The following CNTN1 variants were observed in gnomAD, a reference collection of about 807,000 sequenced individuals.
The protein encoded by CNTN1 is contactin 1.
Under a neutral mutation model 126.4 loss-of-function variants are expected in CNTN1, and 38 were observed. The ratio of observed to expected loss-of-function variants is 0.30; its 90% confidence interval spans 0.23 to 0.39. The LOEUF is 0.39. Ranked by LOEUF, CNTN1 falls within the 10% of genes least tolerant of loss-of-function variation. The pLI, the probability that CNTN1 is intolerant of heterozygous loss-of-function variation, is 1.00. For missense variants in CNTN1, 1,009 were observed against 1,248.4 expected (o/e 0.81, Z 2.89); for synonymous variants, 413 against 422.6 (o/e 0.98, Z 0.28).
chr12:40,703,119 A>C (rs1941643531), intron 1 of CNTN1, among the ~76,000 whole-genome samples: 1 of 152,140 alleles, frequency 6.6e-6, no homozygotes, highest in Admixed American at 6.5e-5. Context: ...ATGAATAAGA[A>C]TGTCTGCTTT....
intron 16 of CNTN1, among the ~76,000 whole-genome samples, chr12:40,983,951 A>AAT (rs1317188580): frequency 6.8e-6 from 1 of 146,952 alleles, no homozygotes; most frequent in Non-Finnish European, 1.5e-5. Context: ...CATATATAGT[A>AAT]ATATATATAT....
intron 1 of CNTN1, among the ~76,000 whole-genome samples, chr12:40,770,255 G>A (rs1225425576): frequency 6.6e-6 from 1 of 152,096 alleles, no homozygotes; most frequent in Non-Finnish European, 1.5e-5. Context: ...TTATTCTGGA[G>A]AGGCATTCAC....
At position 41,071,199 on chromosome 12, in the gene CNTN1, A is replaced by C. The variant is rs1233230494; in HGVS notation, c.*1164A>C. 6.6e-6 allele frequency: 1 copy of C among 152,180 alleles called. No individual in the cohort carries two copies. Among genetic ancestry groups the C allele is most frequent in the Non-Finnish European group, 1.5e-5 (1 of 68,016 alleles). 9.4% of individuals were successfully genotyped at this position (152,180 alleles called of 1,614,324 possible). ...GCTAATGGTACTTTGAAGAGTATGCAAAACTGGAAGGCCAGGAGGAGGCAA... is the reference window on the plus strand; with the variant it reads ...GCTAATGGTACTTTGAAGAGTATGCCAAACTGGAAGGCCAGGAGGAGGCAA... On this transcript the variant is annotated 3_prime_UTR_variant, in exon 24 of 24. Coordinates refer to ENST00000551295, the MANE Select transcript of CNTN1 (RefSeq NM_001843.4).
intron 3 of CNTN1, among the ~76,000 whole-genome samples, chr12:40,918,273 TGGCTA>T: frequency 6.6e-6 from 1 of 152,226 alleles, no homozygotes; most frequent in South Asian, 2.1e-4. Context: ...GAACTAACTA[TGGCTA>T]GGTCACCAAA....
intron 15 of CNTN1, among the ~76,000 whole-genome samples, chr12:40,976,649 T>C (rs971732839): frequency 5.9e-5 from 9 of 152,290 alleles, no homozygotes; most frequent in African/African-American, 2.2e-4. Flanking sequence ...ATGCCTTCCT[T>C]TGTGCTGAGA....
At chr12:40,895,788 G>C (rs1372232702) in intron 1 of CNTN1, among the ~76,000 whole-genome samples, 14 of 144,488 alleles carry the variant, frequency 9.7e-5, no homozygotes, top group East Asian at 2.0e-4. Flanking sequence ...GACGGAGTCT[G>C]GCTCTGTCGC....
intron 3 of CNTN1, among the ~76,000 whole-genome samples, chr12:40,910,752 AT>A (rs1376440925): frequency 6.6e-6 from 1 of 152,190 alleles, no homozygotes; most frequent in East Asian, 1.9e-4. Flanking sequence ...AAATCACAGA[AT>A]TGTTGTGAGG....
intron 20 of CNTN1, among the ~76,000 whole-genome samples, chr12:41,020,903 C>A (rs746018754): frequency 6.6e-6 from 1 of 152,122 alleles, no homozygotes; most frequent in Admixed American, 6.5e-5. Flanking sequence ...TATGAAGTAA[C>A]AATCAAAATG....
chr12:40,766,281 C>A (rs145054776), intron 1 of CNTN1, among the ~76,000 whole-genome samples: 340 of 150,312 alleles, frequency 2.3e-3, no homozygotes, highest in African/African-American at 7.7e-3. Context: ...CACTTGAACC[C>A]GGGAAGTGGT....
At chr12:40,823,671 C>T (rs1941519573) in intron 1 of CNTN1, among the ~76,000 whole-genome samples, 1 of 152,062 alleles carries the variant, frequency 6.6e-6, no homozygotes, top group South Asian at 2.1e-4. Context: ...GCTTTATTTT[C>T]CATCTTCTTT....
intron 1 of CNTN1, among the ~76,000 whole-genome samples, chr12:40,815,587 A>G (rs71449779): frequency 1.3e-5 from 2 of 152,140 alleles, no homozygotes; most frequent in Non-Finnish European, 2.9e-5. Flanking sequence ...AAATCATGTC[A>G]TCTACAAACA....
chr12:40,929,844 C>A lies in CNTN1; in HGVS notation c.545C>A (p.Thr182Lys). The A allele has an allele frequency of 6.2e-7, 1 of 1,612,538 alleles. No homozygotes were observed. Among genetic ancestry groups the A allele is most frequent in the Non-Finnish European group, 8.5e-7 (1 of 1,178,958 alleles). The change falls in exon 7 of 24, where the codon ACA becomes AAA. Residue 182 changes from threonine (T) to lysine (K), a missense_variant. Transcript: ENST00000551295. ...WLLNEFPVFI[T>K]MDKRRFVSQT... ...CTAAATGAATTTCCTGTATTTATCA[C>A]AATGGATAAACGGCGATTTGTGTCT...
chr12:40,832,812 T>A (rs1463550134), intron 1 of CNTN1, among the ~76,000 whole-genome samples: 2 of 152,062 alleles, frequency 1.3e-5, no homozygotes, highest in Admixed American at 1.3e-4. Flanking sequence ...ACCTTCCTTA[T>A]CTGGGCTCTC....
intron 2 of CNTN1, 69 bp from the exon 3 acceptor site, chr12:40,910,004 A>C: frequency 8.6e-7 from 1 of 1,159,864 alleles, no homozygotes. Context: ...TCAGCTATTT[A>C]AGTAATGTTT....
At chr12:40,958,355 G>GTGTGTGTGTGTATATA (rs1401407716) in intron 14 of CNTN1, among the ~76,000 whole-genome samples, 1 of 79,094 alleles carries the variant, frequency 1.3e-5, no homozygotes, top group Non-Finnish European at 3.3e-5. Context: ...GTATATATGT[G>GTGTGTGTGTGTATATA]TGTGTGTGTG....
intron 1 of CNTN1, among the ~76,000 whole-genome samples, chr12:40,846,337 G>A (rs1942500077): frequency 6.6e-6 from 1 of 152,112 alleles, no homozygotes; most frequent in African/African-American, 2.4e-5. Flanking sequence ...GCATGGTGGC[G>A]GGCGCCTGCA....
intron 3 of CNTN1, among the ~76,000 whole-genome samples, chr12:40,916,559 A>T (rs749269629): frequency 1.4e-4 from 21 of 152,134 alleles, no homozygotes; most frequent in Non-Finnish European, 8.8e-5. Flanking sequence ...GCCAGAAAAT[A>T]TCAGGCATCT....
chr12:40,715,955 T>C (rs79258992), intron 1 of CNTN1, among the ~76,000 whole-genome samples: 1 of 152,138 alleles, frequency 6.6e-6, no homozygotes, highest in Non-Finnish European at 1.5e-5. Flanking sequence ...GGGAGATGGA[T>C]AGAGGATAAT....
chr12:40,898,761 AGTC>A (rs1944501665), intron 1 of CNTN1, among the ~76,000 whole-genome samples: 1 of 152,236 alleles, frequency 6.6e-6, no homozygotes, highest in Non-Finnish European at 1.5e-5. Context: ...TGAGATCATC[AGTC>A]TCATTCTCCC....
Sources: gnomAD v4.1 joint callset for allele counts (sites outside exome capture counted in the v4.1 genomes callset) on GRCh38, gnomAD v4.1.1 for gene constraint, MANE v1.5 for transcripts, NCBI Gene and HGNC (gene_info 2026-07-23, HGNC 2026-07-21) for gene names.